DNAJB6: variants seen among roughly 807,000 people sequenced by gnomAD.
DNAJB6 encodes the protein DnaJ heat shock protein family (Hsp40) member B6, also known as dnaJ homolog subfamily B member 6.
Under a neutral mutation model 42.7 loss-of-function variants are expected in DNAJB6, and 16 were observed. The ratio of observed to expected loss-of-function variants is 0.37; its 90% confidence interval spans 0.25 to 0.57. The LOEUF is 0.57. DNAJB6 is among the 20% of genes least tolerant of loss of function. The probability of loss-of-function intolerance (pLI) is 0.74; values close to 1 mark genes in which losing one functional copy is unlikely to be tolerated. For synonymous variants in DNAJB6, 170 were observed against 163.5 expected (o/e 1.04, Z -0.30); for missense variants, 347 against 416.8 (o/e 0.83, Z 1.46).
At position 157,416,171 on chromosome 7, in the gene DNAJB6, G is replaced by A. The variant is rs150779247; in HGVS notation, c.*73G>A. On this transcript the variant is annotated 3_prime_UTR_variant, in exon 10 of 10. Transcript: ENST00000262177. Reference sequence around the variant, plus strand: ...GTGCTCGGCATGCGGTCGTGCACACGCGCTAGGTAGCAGCGTCGGTCAGGA... The same window carrying A: ...GTGCTCGGCATGCGGTCGTGCACACACGCTAGGTAGCAGCGTCGGTCAGGA... 5.7e-5 allele frequency: 90 copies of A among 1,565,630 alleles called. No homozygotes were observed. In the African/African-American group the frequency reaches 6.0e-4, roughly 10 times the overall value.
intron 8 of DNAJB6, among the ~76,000 whole-genome samples, chr7:157,389,582 A>G (rs1013990268): frequency 7.9e-5 from 12 of 152,214 alleles, no homozygotes. Context: ...TGGATATGGT[A>G]TTCCTAGCTG....
At chr7:157,404,769 G>T (rs1196739169) in intron 8 of DNAJB6, among the ~76,000 whole-genome samples, 1 of 152,142 alleles carries the variant, frequency 6.6e-6, no homozygotes, top group South Asian at 2.1e-4. Flanking sequence ...GCCTCTCAAA[G>T]TGCTGGGATT....
chr7:157,378,415 T>TCCACCCC (rs1167100904), intron 5 of DNAJB6: 59 of 152,344 alleles, frequency 3.9e-4, no homozygotes, highest in African/African-American at 1.4e-3. Context: ...GTCTTGCCCC[T>TCCACCCC]CCACCCCAGT....
intron 2 of DNAJB6, among the ~76,000 whole-genome samples, chr7:157,358,903 A>T (rs1584896281): frequency 6.6e-6 from 1 of 152,180 alleles, no homozygotes; most frequent in Non-Finnish European, 1.5e-5. Flanking sequence ...CATCTTTTAC[A>T]TTGGACTTTG....
intron 5 of DNAJB6, among the ~76,000 whole-genome samples, chr7:157,374,846 G>T (rs1023118615): frequency 2.0e-5 from 3 of 152,166 alleles, no homozygotes; most frequent in African/African-American, 4.8e-5. Flanking sequence ...GTATTTTGTG[G>T]TGTTGGTCCC....
intron 8 of DNAJB6, among the ~76,000 whole-genome samples, chr7:157,398,385 C>T (rs1032064487): frequency 1.3e-5 from 2 of 152,210 alleles, no homozygotes; most frequent in African/African-American, 4.8e-5. Context: ...CAAAAAAAGT[C>T]AAAGAAAGGA....
chr7:157,376,810 G>T (rs565897686), intron 5 of DNAJB6, among the ~76,000 whole-genome samples: 12 of 152,192 alleles, frequency 7.9e-5, no homozygotes, highest in Non-Finnish European at 1.8e-4. Flanking sequence ...GACCTGGGAG[G>T]CAGAGGTTGC....
chr7:157,339,281 C>CA (rs1798215917), intron 1 of DNAJB6, among the ~76,000 whole-genome samples: 1 of 68,260 alleles, frequency 1.5e-5, no homozygotes, highest in South Asian at 4.8e-4. Context: ...CTGTTTGCAC[C>CA]TTTTTTTTTT....
chr7:157,337,464 C>CCGGCTGGGGCT lies in DNAJB6; in HGVS notation c.-27+336_-27+346dup, dbSNP rs1050515334. ...GGGGTGGGGCCCGGCCTGGGAGCGG[C>CCGGCTGGGGCT]CGGCTGGGGCTCGGCTGGGGCTCGG... On this transcript the variant is annotated intron_variant, in intron 1 of 9. Coordinates refer to ENST00000262177, the MANE Select transcript of DNAJB6 (RefSeq NM_058246.4). 3.1e-3 allele frequency: 468 copies of CCGGCTGGGGCT among 150,536 alleles called. 2 individuals are homozygous for CCGGCTGGGGCT. Among genetic ancestry groups the CCGGCTGGGGCT allele is most frequent in the African/African-American group, 5.2e-3 (214 of 41,316 alleles). 9.3% of individuals were successfully genotyped at this position (150,536 alleles called of 1,614,324 possible).
At chr7:157,396,722 C>T (rs1214474240) in intron 8 of DNAJB6, among the ~76,000 whole-genome samples, 2 of 152,184 alleles carry the variant, frequency 1.3e-5, no homozygotes, top group African/African-American at 4.8e-5. Flanking sequence ...TTTCATAGCC[C>T]TTTGTCAGGG....
At chr7:157,373,582 C>G (rs143571381) in intron 5 of DNAJB6, among the ~76,000 whole-genome samples, 1 of 152,200 alleles carries the variant, frequency 6.6e-6, no homozygotes, top group African/African-American at 2.4e-5. Context: ...AACTTCTGAC[C>G]TCAGGTCATC....
chr7:157,409,848 G>A lies in DNAJB6; in HGVS notation c.745G>A (p.Ala249Thr), dbSNP rs1339773349. Residue 249 changes from alanine (A) to threonine (T), a missense_variant, in exon 9 of 10, where the codon GCC (alanine) becomes ACC (threonine). Physicochemically the swap from Ala to Thr is moderately conservative, Grantham distance 58 (BLOSUM62 0). Coordinates refer to ENST00000262177, the MANE Select transcript of DNAJB6 (RefSeq NM_058246.4). ...AEERMRRGQN[A>T]LPAQPAGLRP... is the part of the protein sequence containing the mutation. The stretch of plus-strand genomic sequence containing the variant: ...GGAGCGCATGCGGAGAGGCCAGAAC[G>A]CCCTGCCAGCCCAGCCTGCCGGCCT... The A allele has an allele frequency of 1.3e-6, 2 of 1,533,534 alleles. No individual in the cohort carries two copies. The highest frequency in any genetic ancestry group is 1.7e-6 in the Non-Finnish European group (2 of 1,145,706). The allele number at this position is 1,533,534 out of a possible 1,614,324, so 95.0% of individuals were successfully genotyped here.
chr7:157,404,022 A>G (rs933660532), intron 8 of DNAJB6, among the ~76,000 whole-genome samples: 9 of 151,732 alleles, frequency 5.9e-5, no homozygotes, highest in Non-Finnish European at 1.3e-4. Flanking sequence ...GCAGGAGTGC[A>G]GTGGTGCGAT....
At chr7:157,337,318 G>C (rs1041628719) in intron 1 of DNAJB6, among the ~76,000 whole-genome samples, 174 bp downstream of exon 1, 39 of 151,870 alleles carry the variant, frequency 2.6e-4, no homozygotes, top group African/African-American at 9.4e-4. Flanking sequence ...CGAAGGGTGG[G>C]CGGGGTCCTC....
At chr7:157,409,403 C>T (rs975603060) in intron 8 of DNAJB6, among the ~76,000 whole-genome samples, 3 of 152,174 alleles carry the variant, frequency 2.0e-5, no homozygotes, top group African/African-American at 4.8e-5. Context: ...AGGAGGAAAT[C>T]GCCAACTGGA....
At chr7:157,406,847 T>C (rs945270454) in intron 8 of DNAJB6, among the ~76,000 whole-genome samples, 3 of 152,234 alleles carry the variant, frequency 2.0e-5, no homozygotes, top group Non-Finnish European at 4.4e-5. Flanking sequence ...CGGGGCCTTT[T>C]TCTAAACAGA....
At chr7:157,387,772 C>T (rs928223236) in intron 8 of DNAJB6, among the ~76,000 whole-genome samples, 1 of 151,898 alleles carries the variant, frequency 6.6e-6, no homozygotes, top group Non-Finnish European at 1.5e-5. Context: ...AGGAATCTTT[C>T]TTGTGAAAAT....
intron 1 of DNAJB6, among the ~76,000 whole-genome samples, chr7:157,354,069 A>G (rs1000879542): frequency 6.6e-6 from 1 of 152,200 alleles, no homozygotes; most frequent in Non-Finnish European, 1.5e-5. Context: ...CCTGTACTTT[A>G]TAGCTGGTTT....
At chr7:157,393,331 CTA>C (rs1395957550) in intron 8 of DNAJB6, among the ~76,000 whole-genome samples, 1 of 152,120 alleles carries the variant, frequency 6.6e-6, no homozygotes, top group East Asian at 1.9e-4. Context: ...TTGGAAAACT[CTA>C]TAAATTTTCT....
Sources: allele counts gnomAD v4.1 joint callset (sites outside exome capture counted in the v4.1 genomes callset), GRCh38; gene constraint gnomAD v4.1.1; transcripts MANE v1.5; gene names NCBI Gene and HGNC (gene_info 2026-07-23, HGNC 2026-07-21).